DENND2B: variants seen among roughly 807,000 people sequenced by gnomAD.
DENND2B encodes the protein DENN domain-containing protein 2B.
Under a neutral mutation model 116.0 loss-of-function variants are expected in DENND2B, and 32 were observed. That is an observed-to-expected ratio of 0.28 (90% CI 0.21 to 0.37). DENND2B has a LOEUF of 0.37. Ranked by LOEUF, DENND2B falls within the 10% of genes least tolerant of loss-of-function variation. DENND2B has a pLI of 1.00. For synonymous variants in DENND2B, 588 were observed against 583.9 expected (o/e 1.01, Z -0.10); for missense variants, 1,276 against 1,477.7 (o/e 0.86, Z 2.24).
rs926012346 is a variant in DENND2B at position 8,707,314 on chromosome 11, G to C, written c.2431-89C>G. Reference sequence around the variant, plus strand: ...CAGAGAAGAGGGCAGCCAAGCATCTGACCAGGCTAGCCCAGAAGCTGGGAG... The same window carrying C: ...CAGAGAAGAGGGCAGCCAAGCATCTCACCAGGCTAGCCCAGAAGCTGGGAG... On this transcript the variant is annotated intron_variant, in intron 12 of 19. Transcript: ENST00000313726. This position sits in a 1 kb window ranked among gnomAD's most constrained non-coding sequence, Gnocchi z 4.8. 1 of 1,511,280 alleles carries C rather than the reference G, an allele frequency of 6.6e-7. No homozygotes were observed. 93.6% of individuals were successfully genotyped at this position (1,511,280 alleles called of 1,614,324 possible).
In DENND2B at chr11:8,785,424, C is replaced by G. The variant is rs1010348873; in HGVS notation, c.-26+25093G>C. 4 of 152,236 alleles carry G rather than the reference C, an allele frequency of 2.6e-5. No individual in the cohort carries two copies. The South Asian group carries it at 8.3e-4, about 32-fold the overall frequency. 9.4% of individuals were successfully genotyped at this position (152,236 alleles called of 1,614,324 possible). On this transcript the variant is annotated intron_variant, in intron 1 of 19. Coordinates refer to ENST00000313726, the MANE Select transcript of DENND2B (RefSeq NM_213618.2). ...TTCCCCTCACTCTTCCTGCCTCTAA[C>G]CGAAAAGGAGGATACAGACCAAGGA...
At chr11:8,775,773 C>G (rs1386489175) in intron 1 of DENND2B, among the ~76,000 whole-genome samples, 1 of 152,152 alleles carries the variant, frequency 6.6e-6, no homozygotes, top group Non-Finnish European at 1.5e-5. Context: ...ACTTTATCAC[C>G]TCATACCTAG....
chr11:8,781,311 C>T (rs1044667105), intron 1 of DENND2B, among the ~76,000 whole-genome samples: 6 of 151,948 alleles, frequency 3.9e-5, no homozygotes, highest in Admixed American at 6.6e-5. Context: ...GTTGCCAGCC[C>T]GGGCTTGGAA....
intron 1 of DENND2B, among the ~76,000 whole-genome samples, chr11:8,904,225 A>G (rs1299670171): frequency 1.3e-5 from 2 of 152,174 alleles, no homozygotes; most frequent in Non-Finnish European, 2.9e-5. Context: ...TTGGCTTAAT[A>G]TCCAAAAATC....
chr11:8,782,743 C>T (rs564416040), intron 1 of DENND2B, among the ~76,000 whole-genome samples: 4 of 151,650 alleles, frequency 2.6e-5, no homozygotes, highest in Non-Finnish European at 4.4e-5. Context: ...AAAAATTAGG[C>T]GGGCGTGGGG....
At chr11:8,803,941 G>A (rs1050308025) in intron 1 of DENND2B, among the ~76,000 whole-genome samples, 1 of 152,234 alleles carries the variant, frequency 6.6e-6, no homozygotes, top group Admixed American at 6.5e-5. Context: ...AGAGCAGCTT[G>A]TGAAGGGCCT....
chr11:8,738,129 C>T (rs1009976107), intron 2 of DENND2B, among the ~76,000 whole-genome samples: 5 of 152,170 alleles, frequency 3.3e-5, no homozygotes, highest in African/African-American at 7.2e-5. Flanking sequence ...AGGAATAACA[C>T]GCTTGAGTAG....
At chr11:8,731,290 T>C (rs1345915491) in intron 2 of DENND2B, 81 bp from the exon 3 acceptor site, 1 of 1,310,894 alleles carries the variant, frequency 7.6e-7, no homozygotes, top group African/African-American at 1.5e-5. Flanking sequence ...TGTTTTATTC[T>C]TACAGAACTC....
Position 8,712,079 on chromosome 11 carries a change from G to A in DENND2B, c.2172+472C>T, listed in dbSNP as rs887359054. 8 of 428,004 alleles carry A rather than the reference G, an allele frequency of 1.9e-5. No individual in the cohort carries two copies. Among genetic ancestry groups the A allele is most frequent in the Admixed American group, 5.1e-5 (2 of 39,492 alleles). The allele number at this position is 428,004 out of a possible 1,614,324, so 26.5% of individuals were successfully genotyped here. On this transcript the variant is annotated intron_variant, in intron 9 of 19. Coordinates refer to ENST00000313726, the MANE Select transcript of DENND2B (RefSeq NM_213618.2). This position sits in a 1 kb window ranked among gnomAD's most constrained non-coding sequence, Gnocchi z 4.4. ...AGAGAGAGAGGGGTTGAGTGTGAGA[G>A]GAAGAAGAGGGAGGCCAGGCTGGCT...
chr11:8,875,058 T>G (rs2063827905), upstream of DENND2B, among the ~76,000 whole-genome samples: 1 of 152,154 alleles, frequency 6.6e-6, no homozygotes, highest in Non-Finnish European at 1.5e-5. Context: ...GCGCCGTGGC[T>G]CATGCCAGTA....
intron 2 of DENND2B, among the ~76,000 whole-genome samples, chr11:8,866,946 G>A (rs2063601429): frequency 6.6e-6 from 1 of 152,160 alleles, no homozygotes; most frequent in Non-Finnish European, 1.5e-5. Flanking sequence ...AATGGGTGTG[G>A]AGAACCGAGA....
intron 3 of DENND2B, among the ~76,000 whole-genome samples, chr11:8,848,553 T>G (rs549623496): frequency 6.6e-6 from 1 of 152,314 alleles, no homozygotes; most frequent in East Asian, 1.9e-4. Context: ...TATTGTTAGT[T>G]TGGTTAAATG....
intron 2 of DENND2B, among the ~76,000 whole-genome samples, chr11:8,866,153 G>A (rs1372694418): frequency 1.3e-5 from 2 of 152,040 alleles, no homozygotes; most frequent in African/African-American, 2.4e-5. Context: ...TAGAGACGGG[G>A]TTTCACCGTG....
chr11:8,695,682 G>A (rs1457343158), intron 18 of DENND2B, 133 bp from the exon 19 acceptor site: 3 of 764,492 alleles, frequency 3.9e-6, no homozygotes, highest in South Asian at 1.7e-5. Context: ...TAATTTGCAG[G>A]AGCATCTTAC....
intron 1 of DENND2B, among the ~76,000 whole-genome samples, chr11:8,781,108 G>T (rs1238304026): frequency 2.0e-5 from 3 of 152,302 alleles, no homozygotes; most frequent in South Asian, 4.1e-4. Context: ...GAATAAAGAC[G>T]AAGTCCTTAG....
At chr11:8,824,853 A>T (rs1488362913) in intron 4 of DENND2B, among the ~76,000 whole-genome samples, 25 of 130,204 alleles carry the variant, frequency 1.9e-4, no homozygotes, top group African/African-American at 3.8e-4. Context: ...ACACCCAGCT[A>T]TTTTTTTTTT....
chr11:8,855,640 C>T (rs549198299), intron 3 of DENND2B, among the ~76,000 whole-genome samples: 11 of 151,966 alleles, frequency 7.2e-5, no homozygotes, highest in Admixed American at 2.0e-4. Flanking sequence ...AACAGCACGC[C>T]GAGAAGGCTC....
intron 1 of DENND2B, among the ~76,000 whole-genome samples, chr11:8,764,008 G>A (rs1024219744): frequency 6.6e-6 from 1 of 152,024 alleles, no homozygotes; most frequent in Non-Finnish European, 1.5e-5. Context: ...TGGATCACTT[G>A]AGGTCAGGAG....
At chr11:8,742,277 C>G (rs1406325593) in intron 2 of DENND2B, among the ~76,000 whole-genome samples, 9 of 152,182 alleles carry the variant, frequency 5.9e-5, no homozygotes, top group Non-Finnish European at 1.3e-4. Flanking sequence ...GTCTGAATTC[C>G]TAATCCATGG....
Sources: allele counts gnomAD v4.1 joint callset (sites outside exome capture counted in the v4.1 genomes callset), GRCh38; gene constraint gnomAD v4.1.1; non-coding constraint Gnocchi (gnomAD v3.1); transcripts MANE v1.5; gene names NCBI Gene and HGNC (gene_info 2026-07-23, HGNC 2026-07-21).